Variants in ACSM1 observed in about 807,000 individuals in gnomAD.
ACSM1 encodes the protein acyl-CoA synthetase medium chain family member 1.
Under a neutral mutation model 75.8 loss-of-function variants are expected in ACSM1, and 79 were observed. That is an observed-to-expected ratio of 1.04 (90% CI 0.87 to 1.26). ACSM1 has a LOEUF of 1.26. Among genes scored for constraint, ACSM1 ranks in the 50% most tolerant of loss-of-function variants. The probability of loss-of-function intolerance (pLI) is 0.00; values close to 1 mark genes in which losing one functional copy is unlikely to be tolerated. For synonymous variants in ACSM1, 279 were observed against 265.8 expected, an observed-to-expected ratio of 1.05 and a Z score of -0.48; for missense variants, 676 against 720.1, an observed-to-expected ratio of 0.94 and a Z score of 0.70.
Position 20,672,471 on chromosome 16 carries a change from A to AAAAAAAATATATAT in ACSM1, c.612-801_612-800insATATATATTTTTTT, listed in dbSNP as rs1555473775. Reference sequence around the variant, plus strand: ...CTCAAAAAAAAAAAAAAAAAAAAAAAATATATATATATATATATATATATA... The same window carrying AAAAAAAATATATAT: ...CTCAAAAAAAAAAAAAAAAAAAAAAAAAAAAAATATATATATATATATATATATATATATATATA... On this transcript the variant is annotated intron_variant, in intron 4 of 13. Coordinates refer to ENST00000520010, the MANE Select transcript of ACSM1 (RefSeq NM_001318890.3). Among the ~76,000 whole-genome samples the AAAAAAAATATATAT allele has an allele frequency of 3.9e-3, 254 of 64,422 alleles. 2 individuals are homozygous for AAAAAAAATATATAT. The highest frequency in any genetic ancestry group is 6.5e-3 in the East Asian group (5 of 772). 42.3% of individuals were successfully genotyped at this position (64,422 alleles called of 152,430 possible).
At chr16:20,692,921 A>G (rs2079667658) in intron 1 of ACSM1, among the ~76,000 whole-genome samples, 1 of 152,118 alleles carries the variant, frequency 6.6e-6, no homozygotes, top group Non-Finnish European at 1.5e-5. Context: ...CTATAATCCC[A>G]GCCCTTTGGG....
intron 10 of ACSM1, among the ~76,000 whole-genome samples, chr16:20,630,121 G>GTT (rs200287528): frequency 5.7e-5 from 8 of 140,408 alleles, no homozygotes; most frequent in Non-Finnish European, 4.7e-5. Flanking sequence ...GAAAAAACTT[G>GTT]TTTTTTTTTT....
rs916650255 is a variant in ACSM1, at chr16:20,682,292, C to T, written c.575G>A (p.Ser192Asn). 11 of 1,613,572 alleles carry T rather than the reference C, an allele frequency of 6.8e-6. No homozygotes were observed. In the Admixed American group the frequency reaches 1.8e-4, roughly 27 times the overall value. Residue 192 changes from serine (S) to asparagine (N), a missense_variant, in exon 4 of 14, where the codon AGC (serine) becomes AAC (asparagine). Transcript: ENST00000520010. ...TCGGAAGTCCAGCCACCCTTCACGG[C>T]TGTGATCAGACACCAGGAGCTTGGT... ...LKTKLLVSDH[S>N]REGWLDFRSL...
At chr16:20,669,019 C>T (rs74011817) in intron 6 of ACSM1, among the ~76,000 whole-genome samples, 2,563 of 152,026 alleles carry the variant, frequency 0.017, 64 homozygotes, top group African/African-American at 0.058. Flanking sequence ...TTGTGCAGAG[C>T]GGGTGGATTT....
At chr16:20,630,540 T>A (rs573580192) in intron 10 of ACSM1, among the ~76,000 whole-genome samples, 1 of 152,214 alleles carries the variant, frequency 6.6e-6, no homozygotes, top group African/African-American at 2.4e-5. Flanking sequence ...ATTGTCAGAA[T>A]TTAAGGAAGA....
chr16:20,646,125 G>GA (rs199779106), intron 7 of ACSM1, among the ~76,000 whole-genome samples: 32 of 148,386 alleles, frequency 2.2e-4, no homozygotes, highest in African/African-American at 4.4e-4. Flanking sequence ...GATTAAAAAT[G>GA]AAAAAAAAAC....
At chr16:20,692,511 T>G (rs1293333562) in intron 1 of ACSM1, among the ~76,000 whole-genome samples, 1 of 152,182 alleles carries the variant, frequency 6.6e-6, no homozygotes, top group Non-Finnish European at 1.5e-5. Flanking sequence ...TGTGCACCGG[T>G]ATCTCTCAGA....
Position 20,636,728 on chromosome 16 carries a change from G to T in ACSM1, c.1299+11C>A. 6.2e-7 allele frequency: 1 copy of T among 1,608,164 alleles called. No individual in the cohort carries two copies. Among genetic ancestry groups the T allele is most frequent in the Non-Finnish European group, 8.5e-7 (1 of 1,174,676 alleles). On this transcript the variant is annotated intron_variant, in intron 10 of 13. Transcript: ENST00000520010. ...TTGGGGCCAGGATGGGGGCAGATGG[G>T]GGGTCATTACCTCATAGCACATGAA... is the stretch of plus-strand genomic sequence containing the variant.
At chr16:20,689,367 A>G (rs926548700) in intron 2 of ACSM1, among the ~76,000 whole-genome samples, 1 of 152,142 alleles carries the variant, frequency 6.6e-6, no homozygotes, top group Non-Finnish European at 1.5e-5. Context: ...GTAAACACAA[A>G]AGATGTCAGT....
At chr16:20,685,917 C>T (rs1195441935) in intron 2 of ACSM1, among the ~76,000 whole-genome samples, 1 of 151,720 alleles carries the variant, frequency 6.6e-6, no homozygotes, top group Non-Finnish European at 1.5e-5. Context: ...GCCACCCTGC[C>T]TCAAGCCACA....
At chr16:20,651,017 C>A (rs2018615681) in intron 7 of ACSM1, among the ~76,000 whole-genome samples, 1 of 147,110 alleles carries the variant, frequency 6.8e-6, no homozygotes, top group Non-Finnish European at 1.5e-5. Context: ...GCTATGGGAA[C>A]TTTTTGTGTG....
intron 1 of ACSM1, among the ~76,000 whole-genome samples, chr16:20,695,763 C>A (rs1567317743): frequency 6.6e-6 from 1 of 152,074 alleles, no homozygotes; most frequent in Non-Finnish European, 1.5e-5. Flanking sequence ...ATCTATATGT[C>A]TATGTCTGCG....
At chr16:20,670,713 T>C (rs1269310677) in intron 5 of ACSM1, among the ~76,000 whole-genome samples, 1 of 152,198 alleles carries the variant, frequency 6.6e-6, no homozygotes, top group East Asian at 1.9e-4. Context: ...GTTCTATGAA[T>C]ACTACTTTTT....
intron 4 of ACSM1, chr16:20,673,943 A>G (rs921015834): frequency 3.5e-6 from 1 of 285,040 alleles, no homozygotes; most frequent in Non-Finnish European, 7.2e-6. Context: ...GTGAAATTTT[A>G]CAGATAAAGC....
intron 1 of ACSM1, among the ~76,000 whole-genome samples, chr16:20,692,057 T>G (rs1272930826): frequency 6.6e-6 from 1 of 152,100 alleles, no homozygotes; most frequent in Non-Finnish European, 1.5e-5. Flanking sequence ...GCCAAAAGAT[T>G]CTCCTTTGCC....
intron 1 of ACSM1, among the ~76,000 whole-genome samples, chr16:20,691,823 A>C (rs2079656921): frequency 6.7e-6 from 1 of 150,128 alleles, no homozygotes; most frequent in Non-Finnish European, 1.5e-5. Context: ...ACAGATTTAA[A>C]TATATCAGGC....
intron 1 of ACSM1, among the ~76,000 whole-genome samples, chr16:20,695,178 T>C (rs1365030315): frequency 6.6e-6 from 1 of 152,192 alleles, no homozygotes; most frequent in East Asian, 1.9e-4. Context: ...CTGTGGTAGC[T>C]GAAACAGCAT....
chr16:20,689,128 CTG>C (rs1451810932), intron 2 of ACSM1, among the ~76,000 whole-genome samples: 2 of 151,114 alleles, frequency 1.3e-5, no homozygotes, highest in Non-Finnish European at 3.0e-5. Context: ...TGGGATAGAA[CTG>C]TAAAGGGGAA....
At chr16:20,627,600 G>A (rs1188640119) in intron 10 of ACSM1, among the ~76,000 whole-genome samples, 1 of 152,060 alleles carries the variant, frequency 6.6e-6, no homozygotes, top group Non-Finnish European at 1.5e-5. Context: ...GGAGGCTGAG[G>A]TGGGTGGATC....
Sources: allele counts gnomAD v4.1 joint callset (sites outside exome capture counted in the v4.1 genomes callset), GRCh38; gene constraint gnomAD v4.1.1; transcripts MANE v1.5; gene names NCBI Gene and HGNC (gene_info 2026-07-23, HGNC 2026-07-21).